Variants in TRPM3 observed in about 807,000 individuals in gnomAD.
The protein encoded by TRPM3 is transient receptor potential cation channel subfamily M member 3, also known as long transient receptor potential channel 3.
TRPM3 carries 77 observed loss-of-function variants against 181.2 expected under a neutral mutation model. That is an observed-to-expected ratio of 0.42 (90% CI 0.35 to 0.51). The LOEUF (loss-of-function observed/expected upper bound fraction) is 0.51. Among genes scored for constraint, TRPM3 ranks in the 20% least tolerant of loss-of-function variants. The pLI is 0.01. For missense variants in TRPM3, 1,759 were observed against 2,196.7 expected (o/e 0.80, Z 3.98); for synonymous variants, 745 against 796.4 (o/e 0.94, Z 1.09).
At position 70,625,148 on chromosome 9, in the gene TRPM3, C is replaced by A. The variant is rs1485177599; in HGVS notation, c.1809+43G>T. On this transcript the variant is annotated intron_variant, in intron 14 of 25. Coordinates refer to ENST00000677713, the MANE Select transcript of TRPM3 (RefSeq NM_001366145.2). The surrounding 1 kb of genome is among the most constrained non-coding windows in gnomAD (Gnocchi z 4.8). ...AGCCACAACCCAAATCCCATACACC[C>A]TAGTCCTCCCAGGAAGGGCCCCGAA... 3.1e-6 allele frequency: 5 copies of A among 1,611,526 alleles called. No homozygotes were observed. Among genetic ancestry groups the A allele is most frequent in the Non-Finnish European group, 4.2e-6 (5 of 1,178,650 alleles).
intron 8 of TRPM3, among the ~76,000 whole-genome samples, chr9:70,758,828 A>G (rs2077550091): frequency 6.6e-6 from 1 of 152,238 alleles, no homozygotes; most frequent in Non-Finnish European, 1.5e-5. Context: ...ACAAAAATCA[A>G]TTCAAGATGG....
intron 1 of TRPM3, among the ~76,000 whole-genome samples, chr9:70,907,020 T>C (rs2096475984): frequency 6.6e-6 from 1 of 152,244 alleles, no homozygotes; most frequent in African/African-American, 2.4e-5. Context: ...GAGAGCTGTA[T>C]ACATTTGTTA....
intron 1 of TRPM3, among the ~76,000 whole-genome samples, chr9:71,287,185 A>G (rs942945539): frequency 1.3e-5 from 2 of 149,182 alleles, no homozygotes; most frequent in African/African-American, 4.9e-5. Context: ...ATAATAAGAT[A>G]GTATCGGGAT....
At chr9:71,180,392 A>T (rs145374237) in intron 1 of TRPM3, among the ~76,000 whole-genome samples, 1 of 152,066 alleles carries the variant, frequency 6.6e-6, no homozygotes, top group Non-Finnish European at 1.5e-5. Context: ...ATCATCCCCA[A>T]TGTATTTCAA....
At chr9:70,610,577 C>G in intron 19 of TRPM3, 32 bp downstream of exon 19, 1 of 1,603,592 alleles carries the variant, frequency 6.2e-7, no homozygotes, top group African/African-American at 1.3e-5. Flanking sequence ...TTGTGGCCAT[C>G]CACTAGGAAG....
At chr9:70,855,432 G>GAAA (rs1326256573) in intron 3 of TRPM3, among the ~76,000 whole-genome samples, 1 of 152,196 alleles carries the variant, frequency 6.6e-6, no homozygotes, top group African/African-American at 2.4e-5. Flanking sequence ...TTGCCCAGCT[G>GAAA]TTTCAATGAA....
At chr9:70,668,672 G>GAAA (rs57929544) in intron 9 of TRPM3, among the ~76,000 whole-genome samples, 29 of 86,508 alleles carry the variant, frequency 3.4e-4, no homozygotes, top group South Asian at 8.9e-4. Context: ...CTCAAAAAAA[G>GAAA]AAAAAAAAAA....
At chr9:70,890,605 A>G (rs1158722251) in intron 1 of TRPM3, among the ~76,000 whole-genome samples, 2 of 152,100 alleles carry the variant, frequency 1.3e-5, no homozygotes, top group Admixed American at 6.6e-5. Flanking sequence ...CGTAAATAAG[A>G]TCAAGATTCA....
intron 8 of TRPM3, among the ~76,000 whole-genome samples, chr9:70,748,925 C>G (rs917613055): frequency 1.3e-5 from 2 of 152,010 alleles, no homozygotes; most frequent in African/African-American, 2.4e-5. Context: ...TGCTCTGTCC[C>G]CTGGGCTGGA....
intron 1 of TRPM3, among the ~76,000 whole-genome samples, chr9:70,975,734 C>T (rs1476578178): frequency 6.6e-6 from 1 of 152,182 alleles, no homozygotes; most frequent in Admixed American, 6.5e-5. Context: ...GGCCAGCCTT[C>T]CTCTCAGTAG....
intron 7 of TRPM3, among the ~76,000 whole-genome samples, chr9:70,764,172 A>AG (rs2078668471): frequency 6.6e-6 from 1 of 152,206 alleles, no homozygotes. Flanking sequence ...GAAGGATGGC[A>AG]TGATCACATT....
At chr9:71,287,753 T>C (rs1339647133) in intron 1 of TRPM3, among the ~76,000 whole-genome samples, 3 of 152,150 alleles carry the variant, frequency 2.0e-5, no homozygotes, top group Non-Finnish European at 1.5e-5. Flanking sequence ...ATAAGACCTA[T>C]ACATGTGTTA....
intron 4 of TRPM3, among the ~76,000 whole-genome samples, chr9:70,845,400 G>A (rs544235699): frequency 2.3e-4 from 35 of 151,970 alleles, no homozygotes; most frequent in South Asian, 6.2e-4. Context: ...CCACCACGCC[G>A]GGCTAATTTT....
At chr9:71,302,341 A>G (rs925288161) in intron 1 of TRPM3, among the ~76,000 whole-genome samples, 5 of 152,224 alleles carry the variant, frequency 3.3e-5, no homozygotes, top group African/African-American at 7.2e-5. Context: ...AGGCCAACAG[A>G]CTATTTGAGT....
At chr9:71,256,837 G>C (rs2082704908) in intron 1 of TRPM3, among the ~76,000 whole-genome samples, 1 of 152,100 alleles carries the variant, frequency 6.6e-6, no homozygotes, top group African/African-American at 2.4e-5. Flanking sequence ...TGAAGGTTTA[G>C]AGAGGCAGAT....
chr9:70,853,553 A>C (rs1479651038), intron 3 of TRPM3, among the ~76,000 whole-genome samples: 1 of 152,246 alleles, frequency 6.6e-6, no homozygotes, highest in Non-Finnish European at 1.5e-5. Flanking sequence ...AAGATTTAGG[A>C]AGTACTGGAA....
intron 8 of TRPM3, among the ~76,000 whole-genome samples, chr9:70,696,293 G>C (rs11142553): frequency 0.15 from 22,956 of 152,228 alleles, 2,295 homozygotes; most frequent in East Asian, 0.39. Flanking sequence ...CACGGAAGGA[G>C]TATTAGTTGC....
At chr9:71,283,531 C>T (rs1263178367) in intron 1 of TRPM3, among the ~76,000 whole-genome samples, 1 of 152,152 alleles carries the variant, frequency 6.6e-6, no homozygotes, top group Admixed American at 6.5e-5. Flanking sequence ...GTCTCAATCT[C>T]CTGACCTCGT....
intron 1 of TRPM3, among the ~76,000 whole-genome samples, chr9:71,007,714 A>G (rs533321265): frequency 3.2e-4 from 49 of 152,302 alleles, no homozygotes; most frequent in Admixed American, 1.0e-3. Flanking sequence ...TGCTGTATGG[A>G]ATACAGCAAA....
Sources: gnomAD v4.1 joint callset for allele counts (sites outside exome capture counted in the v4.1 genomes callset) on GRCh38, gnomAD v4.1.1 for gene constraint, Gnocchi (gnomAD v3.1) non-coding constraint, MANE v1.5 for transcripts, NCBI Gene and HGNC (gene_info 2026-07-23, HGNC 2026-07-21) for gene names.